Variants in ROBO1 observed in about 807,000 individuals in gnomAD.
ROBO1 encodes the protein roundabout guidance receptor 1, also known as roundabout homolog 1.
In ROBO1, 149 loss-of-function variants were observed where a neutral mutation model predicts 195.9. The ratio of observed to expected loss-of-function variants is 0.76; its 90% CI spans 0.67 to 0.87. The LOEUF is 0.87. Ranked by LOEUF, ROBO1 falls within the 40% of genes least tolerant of loss-of-function variation. ROBO1 has a pLI of 0.00. For missense variants in ROBO1, 1,933 were observed against 2,068.3 expected (o/e 0.93, Z 1.27); for synonymous variants, 816 against 733.2 (o/e 1.11, Z -1.82).
intron 2 of ROBO1, among the ~76,000 whole-genome samples, chr3:79,248,724 T>C (rs2082670236): frequency 6.6e-6 from 1 of 151,980 alleles, no homozygotes; most frequent in Non-Finnish European, 1.5e-5. Context: ...TCTAAAGAGG[T>C]GATAGAATAG....
chr3:79,340,369 GTA>G (rs1249188510), intron 2 of ROBO1, among the ~76,000 whole-genome samples: 1 of 152,092 alleles, frequency 6.6e-6, no homozygotes, highest in Non-Finnish European at 1.5e-5. Context: ...TCTTTCTTGG[GTA>G]TTAGCCTTTT....
intron 2 of ROBO1, among the ~76,000 whole-genome samples, chr3:79,513,899 C>A (rs1245262963): frequency 6.6e-6 from 1 of 152,158 alleles, no homozygotes. Context: ...CATTTTTATC[C>A]TTTTATTTCC....
intron 1 of ROBO1, among the ~76,000 whole-genome samples, chr3:79,603,906 T>G (rs534469228): frequency 6.6e-6 from 1 of 151,896 alleles, no homozygotes; most frequent in Non-Finnish European, 1.5e-5. Context: ...GAAAGTAACA[T>G]AAAACAAAAC....
chr3:79,032,000 A>C (rs1348061811), intron 3 of ROBO1, among the ~76,000 whole-genome samples: 4 of 152,126 alleles, frequency 2.6e-5, no homozygotes, highest in Non-Finnish European at 5.9e-5. Flanking sequence ...ACACAGGCTT[A>C]TATAGGGTAT....
At chr3:79,619,907 C>T (rs936509152) in intron 1 of ROBO1, among the ~76,000 whole-genome samples, 2 of 152,172 alleles carry the variant, frequency 1.3e-5, no homozygotes, top group African/African-American at 4.8e-5. Flanking sequence ...TAATTAACCT[C>T]GCCTTCAAGG....
chr3:78,834,823 TA>T (rs2032556829), intron 4 of ROBO1, among the ~76,000 whole-genome samples: 1 of 152,202 alleles, frequency 6.6e-6, no homozygotes, highest in Non-Finnish European at 1.5e-5. Context: ...TAAAGGATTA[TA>T]TTTCCATAAT....
At position 79,767,807 on chromosome 3, in the gene ROBO1, T is replaced by A. The variant is rs1283742166; in HGVS notation, c.-106A>T. The A allele has an allele frequency of 6.6e-6, 1 of 152,226 alleles. No homozygotes were observed. The highest frequency in any genetic ancestry group is 2.1e-4 in the South Asian group (1 of 4,834). The allele number at this position is 152,226 out of a possible 1,614,324, so 9.4% of individuals were successfully genotyped here. On this transcript the variant is annotated 5_prime_UTR_variant, in exon 1 of 31. Transcript: ENST00000464233. ...AGGCTCCGTAGTGCAGACGCAGCCC[T>A]GCAACTTTGCTGTGCACTGAGACCT... is the stretch of plus-strand genomic sequence containing the variant.
intron 2 of ROBO1, among the ~76,000 whole-genome samples, chr3:79,349,307 A>T (rs1486437526): frequency 6.6e-6 from 1 of 152,182 alleles, no homozygotes; most frequent in East Asian, 1.9e-4. Context: ...AAGAAATTAA[A>T]GACACTTTTA....
At chr3:79,038,711 AT>A (rs1345959606) in intron 3 of ROBO1, among the ~76,000 whole-genome samples, 1 of 147,200 alleles carries the variant, frequency 6.8e-6, no homozygotes, top group African/African-American at 2.7e-5. Flanking sequence ...GCAAAGTCCA[AT>A]TTAAAAAAAA....
chr3:79,709,020 C>T (rs1200272689), intron 1 of ROBO1, among the ~76,000 whole-genome samples: 5 of 151,536 alleles, frequency 3.3e-5, no homozygotes, highest in African/African-American at 1.2e-4. Flanking sequence ...AGAGAGAACA[C>T]CAAGATATAT....
At chr3:78,969,814 A>C (rs528897746) in intron 3 of ROBO1, among the ~76,000 whole-genome samples, 2 of 152,340 alleles carry the variant, frequency 1.3e-5, no homozygotes, top group East Asian at 3.9e-4. Context: ...TCCATTGCAC[A>C]TCAAACTAAA....
intron 4 of ROBO1, among the ~76,000 whole-genome samples, chr3:78,868,031 A>G (rs1280509956): frequency 4.6e-5 from 7 of 152,176 alleles, no homozygotes; most frequent in Non-Finnish European, 7.4e-5. Context: ...CATATCAAAA[A>G]TGAATCATGA....
intron 3 of ROBO1, among the ~76,000 whole-genome samples, chr3:79,049,871 G>C (rs1030696488): frequency 2.0e-5 from 3 of 152,074 alleles, no homozygotes; most frequent in African/African-American, 7.2e-5. Flanking sequence ...TACCAGACCT[G>C]CCCTACAAGA....
intron 8 of ROBO1, among the ~76,000 whole-genome samples, chr3:78,695,154 G>C (rs950759194): frequency 6.6e-6 from 1 of 151,354 alleles, no homozygotes; most frequent in Non-Finnish European, 1.5e-5. Context: ...AGCATTAGGA[G>C]ATACACCTAA....
chr3:78,940,595 A>C (rs1251420472), intron 3 of ROBO1, among the ~76,000 whole-genome samples: 1 of 152,234 alleles, frequency 6.6e-6, no homozygotes, highest in Non-Finnish European at 1.5e-5. Flanking sequence ...CCTGGGCTTG[A>C]AGTAATCTTA....
At chr3:78,941,397 A>C (rs2040132491) in intron 3 of ROBO1, among the ~76,000 whole-genome samples, 1 of 152,222 alleles carries the variant, frequency 6.6e-6, no homozygotes, top group African/African-American at 2.4e-5. Flanking sequence ...CAACTTCAGA[A>C]GATTAAGTAT....
intron 2 of ROBO1, among the ~76,000 whole-genome samples, chr3:79,391,594 C>A (rs867537676): frequency 7.2e-5 from 11 of 152,006 alleles, no homozygotes; most frequent in African/African-American, 2.7e-4. Flanking sequence ...CCTAGAAAAG[C>A]AAAGATGTGA....
At chr3:79,257,254 G>T (rs767204594) in intron 2 of ROBO1, among the ~76,000 whole-genome samples, 1 of 152,122 alleles carries the variant, frequency 6.6e-6, no homozygotes. Flanking sequence ...ATTCATGACT[G>T]ATTTTGATTA....
At chr3:79,203,741 G>T (rs530845274) in intron 2 of ROBO1, among the ~76,000 whole-genome samples, 1 of 152,114 alleles carries the variant, frequency 6.6e-6, no homozygotes, top group Non-Finnish European at 1.5e-5. Flanking sequence ...AACAGTTCAC[G>T]ATTTGCATTG....
Sources: allele counts gnomAD v4.1 joint callset (sites outside exome capture counted in the v4.1 genomes callset), GRCh38; gene constraint gnomAD v4.1.1; transcripts MANE v1.5; gene names NCBI Gene and HGNC (gene_info 2026-07-23, HGNC 2026-07-21).